KIF2C: variants seen among roughly 807,000 people sequenced by gnomAD.
KIF2C encodes kinesin family member 2C, also known as kinesin-like protein KIF2C.
Under a neutral mutation model 97.4 loss-of-function variants are expected in KIF2C, and 34 were observed. The observed-to-expected ratio is 0.35, with a 90% CI of 0.27 to 0.46. The LOEUF (loss-of-function observed/expected upper bound fraction) is 0.46, where lower values mean the gene tolerates loss of function less well. KIF2C is among the 20% of genes least tolerant of loss of function. The pLI is 1.00. For missense variants in KIF2C, 750 were observed against 907.6 expected, an observed-to-expected ratio of 0.83 and a Z score of 2.23; for synonymous variants, 313 against 318.2, an observed-to-expected ratio of 0.98 and a Z score of 0.17.
At chr1:44,753,893 T>A in intron 7 of KIF2C, 60 bp downstream of exon 7, 2 of 903,818 alleles carry the variant, frequency 2.2e-6, no homozygotes, top group Non-Finnish European at 3.4e-6. Context: ...ACCGAAACTC[T>A]ACGGGCAACA....
intron 17 of KIF2C, 64 bp from the exon 18 acceptor site, chr1:44,762,282 G>T (rs1022078812): frequency 4.9e-6 from 7 of 1,426,238 alleles, no homozygotes; most frequent in Non-Finnish European, 6.9e-6. Flanking sequence ...CCTGGGCGGT[G>T]CCACATTCCT....
intron 19 of KIF2C, among the ~76,000 whole-genome samples, chr1:44,765,612 A>G (rs1650417049): frequency 1.3e-5 from 2 of 152,344 alleles, no homozygotes; most frequent in South Asian, 4.1e-4. Context: ...AGGCAGGCAG[A>G]TCACAAGGTC....
chr1:44,742,718 CAA>C (rs5773851), intron 2 of KIF2C, among the ~76,000 whole-genome samples: 149 of 87,310 alleles, frequency 1.7e-3, no homozygotes, highest in Non-Finnish European at 2.2e-3. Flanking sequence ...AACTTCGTCT[CAA>C]AAAAAAAAAA....
At position 44,760,282 on chromosome 1, in the gene KIF2C, C is replaced by A; in HGVS notation, c.1370C>A (p.Thr457Asn). 1.2e-6 allele frequency: 2 copies of A among 1,613,898 alleles called. No homozygotes were observed. Among genetic ancestry groups the A allele is most frequent in the Non-Finnish European group, 1.7e-6 (2 of 1,179,926 alleles). The change falls in exon 15 of 21, where the codon ACC becomes AAC. Residue 457 changes from threonine (T) to asparagine (N), a missense_variant and splice_region_variant. By Grantham distance (65) the Thr-to-Asn change is moderately conservative (BLOSUM62 0). Transcript: ENST00000372224. The surrounding 1 kb of genome is among the most constrained non-coding windows in gnomAD (Gnocchi z 4.2). ...CTCATAACCTTTCTTTACCACAGAA[C>A]CTCTGGGCAGACATTTGCCAACTCC... ...KMIDMGSACR[T>N]SGQTFANSNS...
Position 44,756,134 on chromosome 1 carries a change from C to G in KIF2C, c.874C>G (p.His292Asp). ...SIPSKCLLLV[H>D]EPKLKVDLTK... The stretch of plus-strand genomic sequence containing the variant: ...TCCTAGCAAGTGTCTCCTCTTGGTA[C>G]ATGAACCCAAGTTGAAAGTGGACTT... The change falls in exon 10 of 21, where the codon CAT becomes GAT. Residue 292 changes from histidine to aspartate, a missense_variant. His to Asp is a moderately conservative substitution (Grantham distance 81). Coordinates refer to ENST00000372224, the MANE Select transcript of KIF2C (RefSeq NM_006845.4). 6.2e-7 allele frequency: 1 copy of G among 1,614,202 alleles called. No individual in the cohort carries two copies. The highest frequency in any genetic ancestry group is 1.3e-5 in the African/African-American group (1 of 75,060).
chr1:44,755,881 A>G (rs1005107641), intron 8 of KIF2C, 48 bp from the exon 9 acceptor site: 2 of 1,594,846 alleles, frequency 1.3e-6, no homozygotes, highest in East Asian at 2.2e-5. Context: ...CGCTTTTGAA[A>G]TTGCTCTGAC....
chr1:44,757,163 C>G (rs1019292693), intron 10 of KIF2C, among the ~76,000 whole-genome samples: 2 of 152,140 alleles, frequency 1.3e-5, no homozygotes, highest in Admixed American at 1.3e-4. Flanking sequence ...GTGATCCACA[C>G]ACTTCGGCCT....
intron 5 of KIF2C, among the ~76,000 whole-genome samples, chr1:44,751,821 C>CTTTT (rs375561958): frequency 2.4e-4 from 24 of 100,094 alleles, no homozygotes; most frequent in Admixed American, 8.8e-4. Flanking sequence ...CTTTTTATAC[C>CTTTT]TTTTTTTTTT....
chr1:44,759,385 A>G (rs1194484564), intron 14 of KIF2C, 37 bp downstream of exon 14: 4 of 1,610,656 alleles, frequency 2.5e-6, no homozygotes, highest in East Asian at 2.2e-5. Context: ...CGACCTTCTC[A>G]TGTCTGGTTT....
At chr1:44,762,218 C>T in intron 17 of KIF2C, 128 bp from the exon 18 acceptor site, 2 of 971,872 alleles carry the variant, frequency 2.1e-6, no homozygotes, top group Non-Finnish European at 3.4e-6. Flanking sequence ...TTTCTCTCTC[C>T]TTGGCTGAAG....
rs1487058049 is a variant in KIF2C, at chr1:44,753,756, A to G, written c.586A>G (p.Lys196Glu). 7 of 1,606,706 alleles carry G rather than the reference A, an allele frequency of 4.4e-6. No individual in the cohort carries two copies. The highest frequency in any genetic ancestry group is 6.0e-6 in the Non-Finnish European group (7 of 1,176,206). ...NSVRRKSCLV[K>E]EVEKMKNKRE... Reference sequence around the variant, plus strand: ...AGTTCGGAGGAAATCATGTCTTGTGAAGGAAGTGGAAAAAATGAAGAACAA... The same window carrying G: ...AGTTCGGAGGAAATCATGTCTTGTGGAGGAAGTGGAAAAAATGAAGAACAA... Residue 196 changes from lysine (K) to glutamate (E), a missense_variant, in exon 7 of 21, where the codon AAG becomes GAG. By Grantham distance (56) the Lys-to-Glu change is moderately conservative. Coordinates refer to ENST00000372224, the MANE Select transcript of KIF2C (RefSeq NM_006845.4).
In KIF2C at chr1:44,760,196, C is replaced by T. The variant is rs1650062170; in HGVS notation, c.1368-84C>T. ...GACTTTTTCGCCTCCTAACCTGTGT[C>T]CCTCCCTTCCTAGAGAACTTCTGTG... On this transcript the variant is annotated intron_variant, in intron 14 of 20. Coordinates refer to ENST00000372224, the MANE Select transcript of KIF2C (RefSeq NM_006845.4). The surrounding 1 kb of genome is among the most constrained non-coding windows in gnomAD (Gnocchi z 4.2). The T allele has an allele frequency of 7.8e-7, 1 of 1,277,416 alleles. No homozygotes were observed. The highest frequency in any genetic ancestry group is 1.1e-6 in the Non-Finnish European group (1 of 889,640). The allele number at this position is 1,277,416 out of a possible 1,614,324, so 79.1% of individuals were successfully genotyped here.
chr1:44,763,617 A>G (rs532861902), intron 19 of KIF2C, among the ~76,000 whole-genome samples: 2 of 152,312 alleles, frequency 1.3e-5, no homozygotes, highest in African/African-American at 4.8e-5. Flanking sequence ...GGTGTTAAGC[A>G]GAGTGGTGAC....
At position 44,739,969 on chromosome 1, in the gene KIF2C, C is replaced by A. The variant is rs1168296323; in HGVS notation, c.37C>A (p.Pro13Thr). The A allele has an allele frequency of 6.2e-7, 1 of 1,614,100 alleles. No homozygotes were observed. Among genetic ancestry groups the A allele is most frequent in the East Asian group, 2.2e-5 (1 of 44,906 alleles). Residue 13 changes from proline to threonine, a missense_variant, in exon 1 of 21, where the codon CCC becomes ACC. Pro to Thr is a conservative substitution (Grantham distance 38). Coordinates refer to ENST00000372224, the MANE Select transcript of KIF2C (RefSeq NM_006845.4). ...MDSSLQARLF[P>T]GLAIKIQRSN... ...CTCGTCGCTTCAGGCCCGCCTGTTT[C>A]CCGGTCTCGCTATCAAGATCCAACG...
intron 19 of KIF2C, among the ~76,000 whole-genome samples, chr1:44,763,773 T>C (rs924618598): frequency 2.0e-5 from 3 of 152,170 alleles, no homozygotes; most frequent in African/African-American, 4.8e-5. Flanking sequence ...CGGTGGCTCA[T>C]GCCTGTAATC....
At chr1:44,759,090 C>G in intron 13 of KIF2C, 116 bp from the exon 14 acceptor site, 1 of 1,346,756 alleles carries the variant, frequency 7.4e-7, no homozygotes, top group Non-Finnish European at 1.0e-6. Flanking sequence ...AGTTCGTATT[C>G]TCTGCCTTTC....
In KIF2C at chr1:44,767,309, G is replaced by GGGGCATCTGGGCCCA. The variant is rs1166718894; in HGVS notation, c.*136_*150dup. On this transcript the variant is annotated 3_prime_UTR_variant, in exon 21 of 21. Transcript: ENST00000372224. ...CAGGTTCTGGTAAATGCCAAGTATG[G>GGGGCATCTGGGCCCA]GGGCATCTGGGCCCAGGGCAGCTGG... 1.4e-6 allele frequency: 1 copy of GGGGCATCTGGGCCCA among 713,930 alleles called. No homozygotes were observed. Among genetic ancestry groups the GGGGCATCTGGGCCCA allele is most frequent in the East Asian group, 2.8e-5 (1 of 36,006 alleles). 44.2% of individuals were successfully genotyped at this position (713,930 alleles called of 1,614,324 possible). A position where few individuals can be genotyped will look rare whatever the true frequency, so the allele number is the denominator to read the frequency against.
At chr1:44,741,036 A>G in intron 2 of KIF2C, 29 bp downstream of exon 2, 4 of 1,503,838 alleles carry the variant, frequency 2.7e-6, no homozygotes, top group Non-Finnish European at 3.7e-6. Context: ...CCTCTACCAC[A>G]TTTAATGTCT....
chr1:44,760,762 G>A lies in KIF2C; in HGVS notation c.1683+60G>A, dbSNP rs181711825. 1.5e-6 allele frequency: 2 copies of A among 1,358,408 alleles called. No individual in the cohort carries two copies. The highest frequency in any genetic ancestry group is 4.6e-5 in the East Asian group (2 of 43,464). 84.1% of individuals were successfully genotyped at this position (1,358,408 alleles called of 1,614,324 possible). A position where few individuals can be genotyped will look rare whatever the true frequency, so the allele number is the denominator to read the frequency against. Reference sequence around the variant, plus strand: ...AGGAGACAGAGTTGCTTTCCACAGAGACACTTAGTCCTGTCCCTGGGCTGG... The same window carrying A: ...AGGAGACAGAGTTGCTTTCCACAGAAACACTTAGTCCTGTCCCTGGGCTGG... On this transcript the variant is annotated intron_variant, in intron 16 of 20. Coordinates refer to ENST00000372224, the MANE Select transcript of KIF2C (RefSeq NM_006845.4). The surrounding 1 kb of genome is among the most constrained non-coding windows in gnomAD (Gnocchi z 4.2).
Sources: allele counts gnomAD v4.1 joint callset (sites outside exome capture counted in the v4.1 genomes callset), GRCh38; gene constraint gnomAD v4.1.1; non-coding constraint Gnocchi (gnomAD v3.1); transcripts MANE v1.5; gene names NCBI Gene and HGNC (gene_info 2026-07-23, HGNC 2026-07-21).